The following PPT1 variants were observed in gnomAD, a reference collection of about 807,000 sequenced individuals.
PPT1 encodes the protein ceroid-palmitoyl-palmitoyl-protein thioesterase 1.
Under a neutral mutation model 44.0 loss-of-function variants are expected in PPT1, and 24 were observed. That is an observed-to-expected ratio of 0.54 (90% CI 0.39 to 0.77). The LOEUF is 0.77. PPT1 is among the 30% of genes least tolerant of loss of function. The probability of loss-of-function intolerance (pLI) is 0.00; values close to 1 mark genes in which losing one functional copy is unlikely to be tolerated. For synonymous variants in PPT1, 148 were observed against 140.2 expected (o/e 1.06, Z -0.39); for missense variants, 341 against 378.8 (o/e 0.90, Z 0.83).
At chr1:40,077,095 G>C in intron 7 of PPT1, among the ~76,000 whole-genome samples, 182 bp from the exon 8 acceptor site, 1 of 152,258 alleles carries the variant, frequency 6.6e-6, no homozygotes, top group East Asian at 1.9e-4. Context: ...CCCGAGGGAT[G>C]AGTTAATCTT....
intron 5 of PPT1, among the ~76,000 whole-genome samples, chr1:40,088,665 T>C (rs573908435): frequency 4.9e-4 from 74 of 152,260 alleles, no homozygotes; most frequent in African/African-American, 1.7e-3. Flanking sequence ...TGCCTTGGCC[T>C]CTCAAAGAGC....
downstream of PPT1, chr1:40,071,574 G>A: frequency 8.0e-7 from 1 of 1,251,952 alleles, no homozygotes; most frequent in Non-Finnish European, 1.2e-6. Context: ...TTCACACCAT[G>A]GGATAAATCT....
Position 40,097,137 on chromosome 1 carries a change from C to G in PPT1, c.102G>C (p.Pro34=). 1.9e-6 allele frequency: 3 copies of G among 1,614,144 alleles called. No individual in the cohort carries two copies. The highest frequency in any genetic ancestry group is 1.7e-5 in the Admixed American group (1 of 60,020). ...CACCCATCCCATGCCAGATCACCAA[C>G]GGCAGCGGCGCCGGCGGGTCCAGAT... is the stretch of plus-strand genomic sequence containing the variant. The part of the protein sequence containing the change: ...LQHLDPPAPL[P]LVIWHGMGDS... The change falls in exon 1 of 9, where the codon CCG becomes CCC. Residue 34 remains proline, a synonymous_variant. Coordinates refer to ENST00000642050, the MANE Select transcript of PPT1 (RefSeq NM_000310.4).
At chr1:40,093,904 A>G in intron 1 of PPT1, 1 of 584,282 alleles carries the variant, frequency 1.7e-6, no homozygotes, top group Non-Finnish European at 3.1e-6. Flanking sequence ...AAAAAAAAAA[A>G]TCCATATAGG....
intron 4 of PPT1, among the ~76,000 whole-genome samples, chr1:40,091,073 T>C (rs776260359): frequency 1.3e-5 from 2 of 152,236 alleles, no homozygotes; most frequent in Non-Finnish European, 2.9e-5. Context: ...CACGTGGCTA[T>C]AACCATCTTA....
At position 40,096,779 on chromosome 1, in the gene PPT1, G is replaced by A. The variant is rs113638666; in HGVS notation, c.124+336C>T. 0.011 allele frequency: 3,934 copies of A among 343,742 alleles called. 137 individuals carry two copies. The highest frequency in any genetic ancestry group is 0.076 in the African/African-American group (3,634 of 47,624). The allele number at this position is 343,742 out of a possible 1,614,324, so 21.3% of individuals were successfully genotyped here. On this transcript the variant is annotated intron_variant, in intron 1 of 8. Transcript: ENST00000642050. ...TGAAGGAATAAATAAAAGGGTAGATGCGCCAGTCATATAGCCAGCCGCAGC... is the reference window on the plus strand; with the variant it reads ...TGAAGGAATAAATAAAAGGGTAGATACGCCAGTCATATAGCCAGCCGCAGC...
At chr1:40,079,086 CAT>C (rs1179313497) in intron 6 of PPT1, among the ~76,000 whole-genome samples, 1 of 152,134 alleles carries the variant, frequency 6.6e-6, no homozygotes, top group Non-Finnish European at 1.5e-5. Flanking sequence ...TAAGTGAGAA[CAT>C]GTGATATTTG....
intron 5 of PPT1, among the ~76,000 whole-genome samples, chr1:40,080,747 G>A (rs547539540): frequency 1.1e-3 from 174 of 152,230 alleles, no homozygotes; most frequent in South Asian, 2.9e-3. Flanking sequence ...GGCGGCAGGC[G>A]CCTGTAATCC....
chr1:40,084,450 T>C (rs925354682), intron 5 of PPT1, among the ~76,000 whole-genome samples: 1 of 152,224 alleles, frequency 6.6e-6, no homozygotes, highest in African/African-American at 2.4e-5. Context: ...AGATGTTCTA[T>C]TGTGGCCAAA....
In PPT1 at chr1:40,073,859, T is replaced by C; in HGVS notation, c.*202A>G. The stretch of plus-strand genomic sequence containing the variant: ...AAAACAATCTCCATGGTAATTAAAC[T>C]TGCATTCAACACCATATGGTAACAG... On this transcript the variant is annotated 3_prime_UTR_variant, in exon 9 of 9. Coordinates refer to ENST00000642050, the MANE Select transcript of PPT1 (RefSeq NM_000310.4). 2.7e-6 allele frequency: 2 copies of C among 729,292 alleles called. No homozygotes were observed. Among genetic ancestry groups the C allele is most frequent in the Non-Finnish European group, 4.6e-6 (2 of 436,164 alleles). The allele number at this position is 729,292 out of a possible 1,614,324, so 45.2% of individuals were successfully genotyped here.
chr1:40,089,011 G>T (rs1649408668), intron 5 of PPT1, among the ~76,000 whole-genome samples: 1 of 152,084 alleles, frequency 6.6e-6, no homozygotes, highest in African/African-American at 2.4e-5. Context: ...TGAAGGCCGG[G>T]TGTGGTGGCT....
intron 5 of PPT1, among the ~76,000 whole-genome samples, chr1:40,080,947 C>G (rs1290093212): frequency 6.6e-6 from 1 of 152,142 alleles, no homozygotes; most frequent in Non-Finnish European, 1.5e-5. Context: ...AAGACTTGCA[C>G]CTAGGAAACA....
At chr1:40,094,478 C>A (rs1313147436) in intron 1 of PPT1, among the ~76,000 whole-genome samples, 9 of 151,700 alleles carry the variant, frequency 5.9e-5, no homozygotes, top group Non-Finnish European at 1.5e-5. Flanking sequence ...GAGTTTGGGA[C>A]CCCCGCTCTA....
chr1:40,085,321 C>T (rs537608032), intron 5 of PPT1, among the ~76,000 whole-genome samples: 1 of 152,202 alleles, frequency 6.6e-6, no homozygotes, highest in African/African-American at 2.4e-5. Context: ...CCAGTGGACA[C>T]GTGACCCATG....
chr1:40,078,151 G>A (rs1648723684), intron 7 of PPT1, among the ~76,000 whole-genome samples: 1 of 151,996 alleles, frequency 6.6e-6, no homozygotes, highest in Admixed American at 6.5e-5. Context: ...AGGGACTGAA[G>A]GTTTTTTCCC....
chr1:40,080,541 CAGGGCA>C (rs1328156226), intron 5 of PPT1, 54 bp from the exon 6 acceptor site: 1 of 1,550,908 alleles, frequency 6.4e-7, no homozygotes, highest in Non-Finnish European at 8.9e-7. Context: ...TCAGTACGCC[CAGGGCA>C]TGCTCAGTGC....
At chr1:40,090,851 C>G (rs1047820174) in intron 4 of PPT1, among the ~76,000 whole-genome samples, 4 of 152,070 alleles carry the variant, frequency 2.6e-5, no homozygotes, top group Admixed American at 6.5e-5. Context: ...CCATCAACAA[C>G]AGAGATGAAA....
At chr1:40,079,874 C>A (rs1648832207) in intron 6 of PPT1, among the ~76,000 whole-genome samples, 1 of 152,220 alleles carries the variant, frequency 6.6e-6, no homozygotes, top group Non-Finnish European at 1.5e-5. Context: ...CTGCTATATA[C>A]TATTCTGTGT....
Position 40,097,208 on chromosome 1 carries a change from C to A in PPT1, c.31G>T (p.Ala11Ser), listed in dbSNP as rs776609204. MASPGCLWLL[A>S]VALLPWTCAS... is the part of the protein sequence containing the mutation. ...CAGGTCCATGGCAGGAGAGCCACAG[C>A]CAAGAGCCACAGGCAGCCGGGCGAC... is the stretch of plus-strand genomic sequence containing the variant. Residue 11 changes from alanine to serine, a missense_variant, in exon 1 of 9, where the codon GCT becomes TCT. Ala to Ser is a moderately conservative substitution (Grantham distance 99). Transcript: ENST00000642050. The A allele has an allele frequency of 1.2e-6, 2 of 1,613,936 alleles. No homozygotes were observed. The highest frequency in any genetic ancestry group is 1.7e-6 in the Non-Finnish European group (2 of 1,179,952).
Sources: gnomAD v4.1 joint callset for allele counts (sites outside exome capture counted in the v4.1 genomes callset) on GRCh38, gnomAD v4.1.1 for gene constraint, MANE v1.5 for transcripts, NCBI Gene and HGNC (gene_info 2026-07-23, HGNC 2026-07-21) for gene names.